Variants in NOP58 observed in about 807,000 individuals in gnomAD.
NOP58 encodes NOP58 ribonucleoprotein.
NOP58 carries 44 observed loss-of-function variants against 71.2 expected under a neutral mutation model. The ratio of observed to expected loss-of-function variants is 0.62; its 90% CI spans 0.49 to 0.79. NOP58 has a LOEUF of 0.79. Ranked by LOEUF, NOP58 falls within the 30% of genes least tolerant of loss-of-function variation. The probability of loss-of-function intolerance (pLI) is 0.00; values close to 1 mark genes in which losing one functional copy is unlikely to be tolerated. For missense variants in NOP58, 538 were observed against 620.2 expected (o/e 0.87, Z 1.41); for synonymous variants, 228 against 200.3 (o/e 1.14, Z -1.17).
chr2:202,283,831 C>T (rs1323386636), intron 4 of NOP58, among the ~76,000 whole-genome samples: 4 of 152,108 alleles, frequency 2.6e-5, no homozygotes, highest in African/African-American at 9.7e-5. Context: ...CTTTTTATAG[C>T]TTTTAATTTA....
In NOP58 at chr2:202,265,931, C is replaced by T. The variant is rs371185656; in HGVS notation, c.-11C>T. 21 of 1,614,070 alleles carry T rather than the reference C, an allele frequency of 1.3e-5. No homozygotes were observed. Among genetic ancestry groups the T allele is most frequent in the East Asian group, 6.7e-5 (3 of 44,894 alleles). ...CTGGCAGGCCGTGCGGCGCCCTGAC[C>T]CGGCCTCACCATGTTGGTGCTGTTT... On this transcript the variant is annotated 5_prime_UTR_variant, in exon 1 of 15. Transcript: ENST00000264279.
At chr2:202,276,813 G>A (rs1488743104) in intron 2 of NOP58, among the ~76,000 whole-genome samples, 2 of 152,102 alleles carry the variant, frequency 1.3e-5, no homozygotes, top group African/African-American at 4.8e-5. Flanking sequence ...ATTCCAGCCT[G>A]GGTGACAGAG....
At chr2:202,295,875 C>T (rs1688979447) in intron 10 of NOP58, 38 bp downstream of exon 10, 1 of 1,475,694 alleles carries the variant, frequency 6.8e-7, no homozygotes, top group African/African-American at 1.4e-5. Flanking sequence ...TGAGGTTAGA[C>T]TTTTTCATTT....
intron 6 of NOP58, among the ~76,000 whole-genome samples, chr2:202,289,605 C>T (rs1433404137): frequency 1.3e-5 from 2 of 152,174 alleles, no homozygotes; most frequent in Non-Finnish European, 2.9e-5. Flanking sequence ...CACCCAGCCA[C>T]TTCACACAGT....
chr2:202,302,934 A>G lies in NOP58; in HGVS notation c.1416A>G (p.Glu472=). The G allele has an allele frequency of 6.2e-7, 1 of 1,603,966 alleles. No homozygotes were observed. Among genetic ancestry groups the G allele is most frequent in the Non-Finnish European group, 8.5e-7 (1 of 1,178,672 alleles). Residue 472 remains glutamate, a synonymous_variant, in exon 14 of 15, where the codon GAA becomes GAG. Transcript: ENST00000264279. The part of the protein sequence containing the change: ...AKIKVKVEEE[E]EEKVAEEEET... Reference sequence around the variant, plus strand: ...TACCCTATTCAGTTGAAGAAGAGGAAGAAGAAAAAGTGGCAGAAGAAGAAG... The same window carrying G: ...TACCCTATTCAGTTGAAGAAGAGGAGGAAGAAAAAGTGGCAGAAGAAGAAG...
At chr2:202,266,474 T>A (rs1238278703) in intron 1 of NOP58, among the ~76,000 whole-genome samples, 1 of 151,724 alleles carries the variant, frequency 6.6e-6, no homozygotes, top group Non-Finnish European at 1.5e-5. Flanking sequence ...GGCTAGTTGT[T>A]TTTGTTTGTT....
intron 10 of NOP58, among the ~76,000 whole-genome samples, chr2:202,296,202 A>G (rs1688990690): frequency 6.6e-6 from 1 of 151,806 alleles, no homozygotes; most frequent in Admixed American, 6.6e-5. Flanking sequence ...AAGTCACTAA[A>G]CTTTTTTTTT....
intron 3 of NOP58, chr2:202,278,439 G>C (rs1430753735): frequency 2.9e-6 from 1 of 345,046 alleles, no homozygotes; most frequent in Non-Finnish European, 5.7e-6. Context: ...AAGCTCTTCT[G>C]GGGGTATAGA....
intron 6 of NOP58, 40 bp downstream of exon 6, chr2:202,287,764 C>T (rs751612096): frequency 3.8e-5 from 52 of 1,381,086 alleles, no homozygotes; most frequent in Non-Finnish European, 5.0e-5. Flanking sequence ...GTTGCTCTGT[C>T]CTTCATGCGT....
intron 1 of NOP58, among the ~76,000 whole-genome samples, chr2:202,268,041 C>A (rs367983065): frequency 2.0e-5 from 3 of 152,220 alleles, no homozygotes; most frequent in African/African-American, 7.2e-5. Context: ...GACATACAAA[C>A]GTTCTGGAAC....
At chr2:202,273,085 A>T (rs773787316) in intron 1 of NOP58, among the ~76,000 whole-genome samples, 1 of 152,222 alleles carries the variant, frequency 6.6e-6, no homozygotes, top group African/African-American at 2.4e-5. Flanking sequence ...AGATCCTGCC[A>T]TTGCACTCCA....
chr2:202,290,319 A>G lies in NOP58; in HGVS notation c.500-4A>G. 6.3e-7 allele frequency: 1 copy of G among 1,594,838 alleles called. No individual in the cohort carries two copies. The highest frequency in any genetic ancestry group is 1.1e-5 in the South Asian group (1 of 88,352). On this transcript the variant is annotated splice_polypyrimidine_tract_variant and splice_region_variant and intron_variant, in intron 6 of 14. Transcript: ENST00000264279. ...TTTGTTTGTTTGTTTTTAATCTACT[A>G]CAGCCTTGTTAGATGACTTGGATAA...
chr2:202,273,788 C>G (rs1283887618), intron 1 of NOP58, among the ~76,000 whole-genome samples: 1 of 152,022 alleles, frequency 6.6e-6, no homozygotes, highest in Non-Finnish European at 1.5e-5. Flanking sequence ...ACTAAAAATA[C>G]AAAAACTAGT....
chr2:202,291,059 A>C, intron 7 of NOP58, 66 bp from the exon 8 acceptor site: 1 of 1,375,718 alleles, frequency 7.3e-7, no homozygotes, highest in Non-Finnish European at 9.7e-7. Context: ...TCTTTTGACT[A>C]TTTGCTGGAT....
At chr2:202,278,585 G>A (rs1688644261) in intron 3 of NOP58, among the ~76,000 whole-genome samples, 1 of 152,152 alleles carries the variant, frequency 6.6e-6, no homozygotes, top group Admixed American at 6.5e-5. Flanking sequence ...GAGTGATCGG[G>A]TTTATTTACT....
intron 1 of NOP58, among the ~76,000 whole-genome samples, chr2:202,272,853 G>T (rs1308119974): frequency 6.6e-6 from 1 of 152,128 alleles, no homozygotes; most frequent in Non-Finnish European, 1.5e-5. Flanking sequence ...AGATACTTTC[G>T]GCCTGGCGGG....
Position 202,268,440 on chromosome 2 carries a change from C to T in NOP58, c.45+2454C>T, listed in dbSNP as rs1047849485. 2.0e-5 allele frequency among the ~76,000 whole-genome samples: 3 copies of T among 150,736 alleles called. No homozygotes were observed. In the South Asian group the frequency reaches 6.3e-4, roughly 32 times the overall value. ...ATCTCAGCTACTTGGGAGGCTGAGG[C>T]GGGAGCATTGCTTGAACCCGGGAGG... On this transcript the variant is annotated intron_variant, in intron 1 of 14. Transcript: ENST00000264279.
At chr2:202,274,698 G>T (rs946174339) in intron 1 of NOP58, among the ~76,000 whole-genome samples, 30 of 151,972 alleles carry the variant, frequency 2.0e-4, no homozygotes, top group Non-Finnish European at 3.2e-4. Flanking sequence ...GGAGGTGAAG[G>T]TTGCAGTGAG....
chr2:202,277,499 A>G (rs376130210), intron 2 of NOP58, among the ~76,000 whole-genome samples: 2 of 151,958 alleles, frequency 1.3e-5, no homozygotes, highest in African/African-American at 2.4e-5. Context: ...AAAAACCATA[A>G]AGGGTTAGGA....
Sources: gnomAD v4.1 joint callset for allele counts (sites outside exome capture counted in the v4.1 genomes callset) on GRCh38, gnomAD v4.1.1 for gene constraint, MANE v1.5 for transcripts, NCBI Gene and HGNC (gene_info 2026-07-23, HGNC 2026-07-21) for gene names.